BCKDHB: variants seen among roughly 807,000 people sequenced by gnomAD.
BCKDHB encodes 2-oxoisovalerate dehydrogenase subunit beta, mitochondrial.
A neutral mutation model predicts 48.5 loss-of-function variants in BCKDHB; 41 were observed. The observed-to-expected ratio is 0.85, with a 90% CI of 0.66 to 1.10. The LOEUF (loss-of-function observed/expected upper bound fraction) is 1.10. Among genes scored for constraint, BCKDHB ranks in the 50% least tolerant of loss-of-function variants. The probability of loss-of-function intolerance (pLI) is 0.00; values close to 1 mark genes in which losing one functional copy is unlikely to be tolerated. For synonymous variants in BCKDHB, 201 were observed against 174.8 expected, an observed-to-expected ratio of 1.15 and a Z score of -1.18; for missense variants, 496 against 494.2, an observed-to-expected ratio of 1.00 and a Z score of -0.03.
At chr6:80,224,147 G>A (rs963145264) in intron 8 of BCKDHB, among the ~76,000 whole-genome samples, 2 of 152,064 alleles carry the variant, frequency 1.3e-5, no homozygotes, top group African/African-American at 4.8e-5. Flanking sequence ...GTTAGATACA[G>A]GGTAACTCAT....
rs1443400555 is a variant in BCKDHB, at chr6:80,203,281, A to C, written c.951+69A>C. On this transcript the variant is annotated intron_variant, in intron 8 of 9. Transcript: ENST00000320393. Reference sequence around the variant, plus strand: ...TGGCCAAATATGTTGTATATTTGCAAATAATTCTTTTGAAATTGTGAGCTA... The same window carrying C: ...TGGCCAAATATGTTGTATATTTGCACATAATTCTTTTGAAATTGTGAGCTA... 7 of 1,124,708 alleles carry C rather than the reference A, an allele frequency of 6.2e-6. No individual in the cohort carries two copies. In the African/African-American group the frequency reaches 1.1e-4, roughly 17 times the overall value. 69.7% of individuals were successfully genotyped at this position (1,124,708 alleles called of 1,614,324 possible). A position where few individuals can be genotyped will look rare whatever the true frequency, so the allele number is the denominator to read the frequency against.
chr6:80,109,574 A>T (rs1415014726), intron 1 of BCKDHB, among the ~76,000 whole-genome samples: 2 of 151,748 alleles, frequency 1.3e-5, no homozygotes, highest in Non-Finnish European at 2.9e-5. Flanking sequence ...GTTCATGTAC[A>T]CTCTTGGATA....
chr6:80,277,856 A>G (rs556067742), intron 9 of BCKDHB, among the ~76,000 whole-genome samples: 15 of 152,088 alleles, frequency 9.9e-5, no homozygotes, highest in Non-Finnish European at 1.8e-4. Context: ...AAGGATTTTT[A>G]TAGGGCCTAT....
intron 9 of BCKDHB, among the ~76,000 whole-genome samples, chr6:80,325,830 G>A (rs806844): frequency 0.95 from 144,530 of 152,246 alleles, 68,626 homozygotes; most frequent in East Asian, 0.99. Context: ...ACAAATTTCA[G>A]TTGAGGGATA....
intron 8 of BCKDHB, among the ~76,000 whole-genome samples, chr6:80,262,375 C>T (rs150136707): frequency 1.3e-5 from 2 of 152,092 alleles, no homozygotes; most frequent in Non-Finnish European, 2.9e-5. Flanking sequence ...CAAACACACA[C>T]GCACACACAT....
Position 80,159,832 on chromosome 6 carries a change from C to A in BCKDHB, c.344-7846C>A, listed in dbSNP as rs190831149. ...TCTTATTTATCTTTCTGCTCAGAGA[C>A]TGGGACCTGAGCTGTTTCCCTGATG... On this transcript the variant is annotated intron_variant, in intron 3 of 9. Transcript: ENST00000320393. Among the ~76,000 whole-genome samples, 628 of 152,334 alleles carry A rather than the reference C, an allele frequency of 4.1e-3. 5 individuals carry two copies. The highest frequency in any genetic ancestry group is 6.5e-3 in the Non-Finnish European group (444 of 68,038).
At chr6:80,108,777 T>C (rs1769264750) in intron 1 of BCKDHB, among the ~76,000 whole-genome samples, 1 of 152,044 alleles carries the variant, frequency 6.6e-6, no homozygotes, top group African/African-American at 2.4e-5. Context: ...GGAGAATCGC[T>C]TGAACCTGGG....
At chr6:80,107,633 T>G (rs1374020100) in intron 1 of BCKDHB, among the ~76,000 whole-genome samples, 2 of 145,000 alleles carry the variant, frequency 1.4e-5, no homozygotes, top group Non-Finnish European at 2.9e-5. Context: ...TTGAACTGAT[T>G]TTCCCAAGGT....
At chr6:80,331,640 G>T (rs1329591134) in intron 9 of BCKDHB, among the ~76,000 whole-genome samples, 1 of 152,168 alleles carries the variant, frequency 6.6e-6, no homozygotes, top group East Asian at 1.9e-4. Flanking sequence ...GAGCCAATCT[G>T]CAGTCGGTTG....
chr6:80,110,435 A>G (rs998137707), intron 1 of BCKDHB, among the ~76,000 whole-genome samples: 1 of 152,226 alleles, frequency 6.6e-6, no homozygotes, highest in East Asian at 1.9e-4. Flanking sequence ...CAAGGAGGTC[A>G]TCCATATACT....
chr6:80,313,619 C>A (rs28827323), intron 9 of BCKDHB, among the ~76,000 whole-genome samples: 2,629 of 152,268 alleles, frequency 0.017, 71 homozygotes, highest in East Asian at 0.11. Flanking sequence ...CCTCAGCCTC[C>A]CAAAGTGCTG....
At position 80,106,810 on chromosome 6, in the gene BCKDHB, C is replaced by T. The variant is rs767901122; in HGVS notation, c.117C>T (p.Ala39=). The part of the protein sequence containing the change: ...AGLARGFLHP[A]ATVEDAAQRR... The stretch of plus-strand genomic sequence containing the variant: ...TGGCGCGGGGCTTTTTGCACCCCGC[C>T]GCGACTGTCGAGGATGCGGCCCAGA... The change falls in exon 1 of 10, where the codon GCC becomes GCT. Residue 39 remains alanine, a synonymous_variant. Transcript: ENST00000320393. The T allele has an allele frequency of 5.0e-6, 8 of 1,606,714 alleles. No homozygotes were observed. The highest frequency in any genetic ancestry group is 5.1e-6 in the Non-Finnish European group (6 of 1,177,454).
At chr6:80,194,356 G>A (rs1190521086) in intron 6 of BCKDHB, among the ~76,000 whole-genome samples, 1 of 152,046 alleles carries the variant, frequency 6.6e-6, no homozygotes. Context: ...CATAACCACG[G>A]TAATATTGAT....
intron 9 of BCKDHB, among the ~76,000 whole-genome samples, chr6:80,278,569 C>CT (rs1391802393): frequency 2.6e-5 from 4 of 151,940 alleles, no homozygotes; most frequent in Non-Finnish European, 4.4e-5. Flanking sequence ...TTTCCCCATT[C>CT]TTTTTTTTGA....
intron 3 of BCKDHB, among the ~76,000 whole-genome samples, chr6:80,131,646 CTTT>C (rs980271237): frequency 6.9e-6 from 1 of 145,434 alleles, no homozygotes. Context: ...ATACAAAATA[CTTT>C]TTTTTTTTTT....
intron 1 of BCKDHB, among the ~76,000 whole-genome samples, chr6:80,112,019 C>A (rs1769436541): frequency 6.6e-6 from 1 of 152,140 alleles, no homozygotes; most frequent in Non-Finnish European, 1.5e-5. Flanking sequence ...ACTCCAGTGC[C>A]AGCTTGTTTA....
At chr6:80,386,884 G>A in the BCKDHB span, among the ~76,000 whole-genome samples, 1 of 152,152 alleles carries the variant, frequency 6.6e-6, no homozygotes, top group African/African-American at 2.4e-5. Flanking sequence ...ACTTGAGACA[G>A]TTTACAGACC....
At chr6:80,266,499 C>T (rs914288626) in intron 8 of BCKDHB, among the ~76,000 whole-genome samples, 9 of 152,004 alleles carry the variant, frequency 5.9e-5, no homozygotes, top group Non-Finnish European at 1.0e-4. Context: ...ATACCTTTGC[C>T]GCCATTGTGA....
At chr6:80,235,301 AAAAC>A (rs1367013752) in intron 8 of BCKDHB, among the ~76,000 whole-genome samples, 2 of 152,218 alleles carry the variant, frequency 1.3e-5, no homozygotes, top group African/African-American at 2.4e-5. Context: ...GTGTCAATAA[AAAAC>A]AAACAAAAAT....
Sources: allele counts gnomAD v4.1 joint callset (sites outside exome capture counted in the v4.1 genomes callset), GRCh38; gene constraint gnomAD v4.1.1; transcripts MANE v1.5; gene names NCBI Gene and HGNC (gene_info 2026-07-23, HGNC 2026-07-21).